Variants in CAST observed in about 807,000 individuals in gnomAD.
CAST encodes MIR583 host.
In CAST, 76 loss-of-function variants were observed where a neutral mutation model predicts 119.6. That is an observed-to-expected ratio of 0.64 (90% CI 0.53 to 0.77). The LOEUF is 0.77. CAST is among the 30% of genes least tolerant of loss of function. The pLI is 0.00. For synonymous variants in CAST, 319 were observed against 331.6 expected (o/e 0.96, Z 0.41); for missense variants, 953 against 946.5 (o/e 1.01, Z -0.09).
At chr5:96,769,139 A>G (rs1009173092) in intron 29 of CAST, 2 of 152,200 alleles carry the variant, frequency 1.3e-5, no homozygotes, top group Non-Finnish European at 2.9e-5. Flanking sequence ...AGGAGAGTTA[A>G]TTCTGCAGAT....
the CAST span, among the ~76,000 whole-genome samples, chr5:96,324,682 C>T: frequency 6.6e-6 from 1 of 151,962 alleles, no homozygotes; most frequent in Non-Finnish European, 1.5e-5. Flanking sequence ...GACCTGATAC[C>T]CAATTAAACA....
chr5:96,300,389 C>T, the CAST span, among the ~76,000 whole-genome samples: 2 of 152,246 alleles, frequency 1.3e-5, no homozygotes, highest in East Asian at 1.9e-4. Flanking sequence ...TTATCACCTT[C>T]GTTGAAAATC....
the CAST span, among the ~76,000 whole-genome samples, chr5:96,162,867 T>A: frequency 6.6e-6 from 1 of 152,254 alleles, no homozygotes; most frequent in African/African-American, 2.4e-5. Flanking sequence ...ATAGTTTTCA[T>A]GTCTTATGAC....
chr5:96,382,532 C>A, the CAST span, among the ~76,000 whole-genome samples: 23 of 152,258 alleles, frequency 1.5e-4, no homozygotes, highest in East Asian at 1.5e-3. Context: ...ATTAATTAAA[C>A]AAATACATAT....
intron 9 of CAST, 42 bp downstream of exon 9, chr5:96,730,902 T>A (rs762581302): frequency 1.4e-6 from 2 of 1,415,888 alleles, no homozygotes; most frequent in African/African-American, 2.8e-5. Context: ...CCTCTGTGCT[T>A]CTCAAGTTTC....
chr5:96,755,039 G>A, intron 22 of CAST: 1 of 194,468 alleles, frequency 5.1e-6, no homozygotes, highest in Non-Finnish European at 1.0e-5. Flanking sequence ...GTGTAGATAG[G>A]AGAACTAAAA....
At chr5:96,577,294 G>A (rs1231656897) in intron 1 of CAST, among the ~76,000 whole-genome samples, 1 of 151,722 alleles carries the variant, frequency 6.6e-6, no homozygotes, top group East Asian at 1.9e-4. Context: ...GTTAGTCTTG[G>A]TGGAGGTTTA....
At chr5:96,516,850 C>A in the CAST span, among the ~76,000 whole-genome samples, 1 of 152,188 alleles carries the variant, frequency 6.6e-6, no homozygotes, top group African/African-American at 2.4e-5. Context: ...GGAAAATGCC[C>A]AGCTCTACTT....
At chr5:96,532,917 C>T (rs1745716081) in intron 1 of CAST, among the ~76,000 whole-genome samples, 1 of 151,272 alleles carries the variant, frequency 6.6e-6, no homozygotes, top group Non-Finnish European at 1.5e-5. Flanking sequence ...CCCAGCTACT[C>T]GAGAGGCTGA....
At chr5:96,629,756 C>G (rs1324188413) in intron 1 of CAST, among the ~76,000 whole-genome samples, 1 of 152,248 alleles carries the variant, frequency 6.6e-6, no homozygotes, top group Non-Finnish European at 1.5e-5. Flanking sequence ...TTAAAACCCA[C>G]TGCTCTGCTG....
chr5:96,633,133 G>A (rs545856255), intron 1 of CAST, among the ~76,000 whole-genome samples: 26 of 151,896 alleles, frequency 1.7e-4, no homozygotes, highest in Non-Finnish European at 2.9e-4. Flanking sequence ...CACCATGCCC[G>A]GCTAATTTTT....
At chr5:96,560,911 A>T (rs1746344739) in intron 1 of CAST, among the ~76,000 whole-genome samples, 1 of 152,228 alleles carries the variant, frequency 6.6e-6, no homozygotes, top group South Asian at 2.1e-4. Context: ...ACATATGTTT[A>T]TTGTGGCACT....
intron 2 of CAST, among the ~76,000 whole-genome samples, chr5:96,684,837 T>C (rs537837108): frequency 1.0e-3 from 159 of 152,272 alleles, no homozygotes; most frequent in African/African-American, 3.7e-3. Flanking sequence ...CCCAAAGTGC[T>C]GGGATTACAG....
upstream of CAST, among the ~76,000 whole-genome samples, chr5:96,661,422 A>G (rs1232369632): frequency 3.9e-5 from 1 of 25,458 alleles, no homozygotes; most frequent in Non-Finnish European, 6.2e-5. Flanking sequence ...CTCTCCAGAA[A>G]AAAAAAAAAA....
chr5:96,257,060 G>A, the CAST span, among the ~76,000 whole-genome samples: 2 of 152,194 alleles, frequency 1.3e-5, no homozygotes, highest in Admixed American at 1.3e-4. Flanking sequence ...AGGAGATAAC[G>A]CAGCAGCATC....
At chr5:96,331,553 TTCAA>T in the CAST span, among the ~76,000 whole-genome samples, 1 of 152,268 alleles carries the variant, frequency 6.6e-6, no homozygotes, top group East Asian at 1.9e-4. Flanking sequence ...TGTTTTTCAG[TTCAA>T]TCAATCAGCT....
the CAST span, among the ~76,000 whole-genome samples, chr5:95,993,701 A>G: frequency 1.3e-5 from 2 of 152,210 alleles, no homozygotes; most frequent in African/African-American, 4.8e-5. Flanking sequence ...AAGGCAAGCC[A>G]CAGACTGGGA....
At chr5:96,071,362 A>G in the CAST span, among the ~76,000 whole-genome samples, 2 of 151,804 alleles carry the variant, frequency 1.3e-5, no homozygotes, top group Non-Finnish European at 2.9e-5. Flanking sequence ...AGTCCCTTTC[A>G]GTTCTCTTTG....
rs1488923843 is a variant in CAST at position 96,544,701 on chromosome 5, A to T, written c.60+14821A>T. 2.6e-5 allele frequency among the ~76,000 whole-genome samples: 4 copies of T among 152,068 alleles called. No individual in the cohort carries two copies. In the South Asian group the frequency reaches 8.3e-4, roughly 31 times the overall value. On this transcript the variant is annotated intron_variant, in intron 1 of 11. Coordinates refer to the CAST transcript ENST00000505143. ...AACCACAAAAGATAAAAGGAGATTT[A>T]GAAAAATAAGTGCAATGAGTAGAAA... is the stretch of plus-strand genomic sequence containing the variant.
Sources: allele counts gnomAD v4.1 joint callset (sites outside exome capture counted in the v4.1 genomes callset), GRCh38; gene constraint gnomAD v4.1.1; transcripts MANE v1.5; gene names NCBI Gene and HGNC (gene_info 2026-07-23, HGNC 2026-07-21).